TMIGD2: variants seen among roughly 807,000 people sequenced by gnomAD.
The protein encoded by TMIGD2 is transmembrane and immunoglobulin domain containing 2, also known as transmembrane and immunoglobulin domain-containing protein 2.
TMIGD2 carries 18 observed loss-of-function variants against 22.6 expected under a neutral mutation model. The ratio of observed to expected loss-of-function variants is 0.80; its 90% CI spans 0.55 to 1.18. The LOEUF (loss-of-function observed/expected upper bound fraction) is 1.18. Among genes scored for constraint, TMIGD2 ranks in the 50% most tolerant of loss-of-function variants. The pLI is 0.00. For missense variants in TMIGD2, 361 were observed against 378.2 expected, an observed-to-expected ratio of 0.95 and a Z score of 0.38; for synonymous variants, 184 against 154.1, an observed-to-expected ratio of 1.19 and a Z score of -1.44.
At chr19:4,295,676 C>T (rs1971453232) in intron 2 of TMIGD2, among the ~76,000 whole-genome samples, 1 of 152,100 alleles carries the variant, frequency 6.6e-6, no homozygotes, top group Non-Finnish European at 1.5e-5. Flanking sequence ...ATCTATCACT[C>T]TCCAGATCCT....
chr19:4,298,717 C>A (rs1016754339), intron 1 of TMIGD2, among the ~76,000 whole-genome samples: 1 of 151,986 alleles, frequency 6.6e-6, no homozygotes, highest in African/African-American at 2.4e-5. Context: ...GCCTGGGTGA[C>A]AAAGCAACAC....
rs1450914009 is a variant in TMIGD2 at position 4,292,612 on chromosome 19, A to G, written c.836T>C (p.Val279Ala). The G allele has an allele frequency of 4.3e-6, 7 of 1,612,612 alleles. No individual in the cohort carries two copies. In the African/African-American group the frequency reaches 9.4e-5, roughly 22 times the overall value. ...TCCTGGGATCTCTCACTCCTCTCCC[A>G]CTTTGGGGAACCCTTTTGGCCTCGG... The change falls in exon 5 of 5, where the codon GTG (valine) becomes GCG (alanine). Residue 279 changes from valine to alanine, a missense_variant. Physicochemically the swap from Val to Ala is moderately conservative, Grantham distance 64. Transcript: ENST00000301272.
At chr19:4,300,572 C>A (rs1971523701) in intron 1 of TMIGD2, among the ~76,000 whole-genome samples, 1 of 152,188 alleles carries the variant, frequency 6.6e-6, no homozygotes. Flanking sequence ...AAAAACAAAA[C>A]AAAACATTCC....
At chr19:4,292,689 G>A (rs76713966) in exon 5 of TMIGD2, 2 of 1,603,050 alleles carry the variant, frequency 1.2e-6, no homozygotes, top group Admixed American at 1.8e-5. Context: ...AGACGGGGTG[G>A]CCGGGCCTGG....
chr19:4,293,609 T>C (rs1347487634), intron 4 of TMIGD2, among the ~76,000 whole-genome samples: 1 of 151,416 alleles, frequency 6.6e-6, no homozygotes, highest in East Asian at 1.9e-4. Flanking sequence ...TGTTTGTTTG[T>C]TTTTTGAGAC....
At chr19:4,294,870 G>T in intron 2 of TMIGD2, 54 bp from the exon 3 acceptor site, 1 of 1,497,942 alleles carries the variant, frequency 6.7e-7, no homozygotes, top group Non-Finnish European at 8.9e-7. Flanking sequence ...ACCCTCCAAG[G>T]ACAGAGCTCA....
exon 5 of TMIGD2, chr19:4,292,671 G>T: frequency 6.2e-7 from 1 of 1,605,696 alleles, no homozygotes; most frequent in African/African-American, 1.3e-5. Context: ...GAGAGACCCT[G>T]ACCATAGAGA....
Position 4,295,842 on chromosome 19 carries a change from C to T in TMIGD2, c.407-1026G>A, listed in dbSNP as rs1433307024. Among the ~76,000 whole-genome samples, 9 of 152,188 alleles carry T rather than the reference C, an allele frequency of 5.9e-5. 1 individual carries two copies. The highest frequency in any genetic ancestry group is 4.6e-4 in the Admixed American group (7 of 15,276). On this transcript the variant is annotated intron_variant, in intron 2 of 4. Coordinates refer to ENST00000301272, the Ensembl canonical transcript of TMIGD2. ...CTTTGGACAAAGCCCTGTCTCACCTCAGCTCGGAGATCCTAACACTGAAGT... is the reference window on the plus strand; with the variant it reads ...CTTTGGACAAAGCCCTGTCTCACCTTAGCTCGGAGATCCTAACACTGAAGT...
At chr19:4,298,445 C>A in intron 1 of TMIGD2, 100 bp from the exon 2 acceptor site, 1 of 1,447,526 alleles carries the variant, frequency 6.9e-7, no homozygotes, top group Non-Finnish European at 9.1e-7. Context: ...TTTGAAACCT[C>A]ACTTGTCTAA....
chr19:4,298,086 C>A, exon 2 of TMIGD2: 1 of 1,613,688 alleles, frequency 6.2e-7, no homozygotes, highest in Non-Finnish European at 8.5e-7. Flanking sequence ...GGTTGAGGCT[C>A]ACAGGGTCCA....
exon 2 of TMIGD2, chr19:4,298,273 G>T: frequency 1.2e-6 from 2 of 1,610,394 alleles, no homozygotes; most frequent in Middle Eastern, 3.3e-4. Context: ...GACCAGGGTC[G>T]CCTGACTGCC....
At chr19:4,292,828 T>G in exon 5 of TMIGD2, 1 of 1,613,844 alleles carries the variant, frequency 6.2e-7, no homozygotes, top group Non-Finnish European at 8.5e-7. Context: ...AGAGCAGTCC[T>G]CACTCTTCTT....
At chr19:4,296,521 G>A (rs892843014) in intron 2 of TMIGD2, among the ~76,000 whole-genome samples, 1 of 152,184 alleles carries the variant, frequency 6.6e-6, no homozygotes, top group Non-Finnish European at 1.5e-5. Context: ...AGGATTGGTG[G>A]GGTGTGGGGA....
chr19:4,299,869 G>A (rs1388581986), intron 1 of TMIGD2, among the ~76,000 whole-genome samples: 1 of 150,588 alleles, frequency 6.6e-6, no homozygotes, highest in East Asian at 2.0e-4. Flanking sequence ...TTGGGCAACA[G>A]AGCGAGACTC....
rs186731324 is a variant in TMIGD2, at chr19:4,296,296, G to A, written c.407-1480C>T. 4.6e-5 allele frequency among the ~76,000 whole-genome samples: 7 copies of A among 152,348 alleles called. No homozygotes were observed. The East Asian group carries it at 1.4e-3, about 29-fold the overall frequency. On this transcript the variant is annotated intron_variant, in intron 2 of 4. Transcript: ENST00000301272. ...AAAAACTATTCACTGTATTTTGACA[G>A]CAGAGGGAACTGGCACAGAGAGGTC...
At chr19:4,292,737 C>G in exon 5 of TMIGD2, 1 of 1,610,048 alleles carries the variant, frequency 6.2e-7, no homozygotes, top group Non-Finnish European at 8.5e-7. Context: ...AGGGTCTTGA[C>G]GCCAGGTGCG....
chr19:4,294,573 T>C lies in TMIGD2; in HGVS notation c.556A>G (p.Ser186Gly). The C allele has an allele frequency of 6.2e-7, 1 of 1,612,564 alleles. No homozygotes were observed. The highest frequency in any genetic ancestry group is 2.2e-5 in the East Asian group (1 of 44,752). The change falls in exon 4 of 5, where the codon AGC becomes GGC. Residue 186 changes from serine to glycine, a missense_variant. By Grantham distance (56) the Ser-to-Gly change is moderately conservative. Coordinates refer to ENST00000301272, the Ensembl canonical transcript of TMIGD2. ...CCGCCCTACCCTCCCTTACCTGGGC[T>C]GTTACCTGAGTCCCTTTGCTGGCAG... is the stretch of plus-strand genomic sequence containing the variant.
chr19:4,293,245 G>C (rs1343433884), intron 4 of TMIGD2, among the ~76,000 whole-genome samples: 3 of 148,588 alleles, frequency 2.0e-5, no homozygotes, highest in African/African-American at 7.5e-5. Context: ...ACAGGCGTGA[G>C]CCACCGCGCC....
At chr19:4,300,283 G>A (rs895099580) in intron 1 of TMIGD2, among the ~76,000 whole-genome samples, 2 of 148,958 alleles carry the variant, frequency 1.3e-5, no homozygotes, top group African/African-American at 5.0e-5. Context: ...ACAAGGCCGG[G>A]TGCAGTGGCT....
Sources: gnomAD v4.1 joint callset for allele counts (sites outside exome capture counted in the v4.1 genomes callset) on GRCh38, gnomAD v4.1.1 for gene constraint, MANE v1.5 for transcripts, NCBI Gene and HGNC (gene_info 2026-07-23, HGNC 2026-07-21) for gene names.